The following PSD3 variants were observed in gnomAD, a reference collection of about 807,000 sequenced individuals.
PSD3 encodes the protein pleckstrin and Sec7 domain containing 3.
A neutral mutation model predicts 105.5 loss-of-function variants in PSD3; 49 were observed. The observed-to-expected ratio is 0.46, with a 90% CI of 0.37 to 0.59. The LOEUF (loss-of-function observed/expected upper bound fraction) is 0.59, where lower values mean the gene tolerates loss of function less well. PSD3 is among the 20% of genes least tolerant of loss of function. The probability of loss-of-function intolerance (pLI) is 0.00; values close to 1 mark genes in which losing one functional copy is unlikely to be tolerated. For synonymous variants in PSD3, 557 were observed against 457.8 expected, an observed-to-expected ratio of 1.22 and a Z score of -2.77; for missense variants, 1,561 against 1,263.8, an observed-to-expected ratio of 1.24 and a Z score of -3.57.
chr8:18,634,258 A>G (rs1807099856), intron 10 of PSD3, among the ~76,000 whole-genome samples: 1 of 152,086 alleles, frequency 6.6e-6, no homozygotes, highest in African/African-American at 2.4e-5. Context: ...AGAGAAAAAC[A>G]GCCTTTTTTT....
chr8:18,964,389 GC>G (rs1364346067), intron 1 of PSD3, among the ~76,000 whole-genome samples: 2 of 152,108 alleles, frequency 1.3e-5, no homozygotes, highest in Non-Finnish European at 2.9e-5. Flanking sequence ...CTCCCAAAGT[GC>G]TGGGATTACA....
intron 1 of PSD3, among the ~76,000 whole-genome samples, chr8:18,953,312 T>C (rs1563457678): frequency 1.5e-5 from 2 of 129,476 alleles, no homozygotes; most frequent in South Asian, 4.7e-4. Flanking sequence ...TATGTGTGTG[T>C]ATGTTGTGTG....
intron 4 of PSD3, among the ~76,000 whole-genome samples, chr8:18,819,574 G>GT (rs1189272400): frequency 9.1e-6 from 1 of 109,356 alleles, no homozygotes; most frequent in African/African-American, 3.5e-5. Flanking sequence ...AATTAGAATG[G>GT]ATTTTTTTTT....
intron 9 of PSD3, chr8:18,763,078 T>A: frequency 2.1e-6 from 1 of 476,728 alleles, no homozygotes. Context: ...CAAAATGACA[T>A]GGAACAACAG....
intron 11 of PSD3, among the ~76,000 whole-genome samples, chr8:18,630,284 AG>A (rs1391699157): frequency 2.0e-5 from 3 of 151,980 alleles, no homozygotes; most frequent in Non-Finnish European, 4.4e-5. Context: ...ATACAATGGC[AG>A]AAAAACTTCT....
chr8:18,702,678 T>G lies in PSD3; in HGVS notation c.2173-46993A>C, dbSNP rs987716242. ...CCCAGGCTGGAGTGCAGTGGTGTGA[T>G]CTCGGTTCCCTGCAAGCTCCGGCTC... On this transcript the variant is annotated intron_variant, in intron 9 of 15. Coordinates refer to ENST00000327040, the MANE Select transcript of PSD3 (RefSeq NM_015310.4). 3.3e-5 allele frequency among the ~76,000 whole-genome samples: 5 copies of G among 151,666 alleles called. No homozygotes were observed. The East Asian group carries it at 9.7e-4, about 30-fold the overall frequency.
At chr8:18,641,065 C>A (rs1807606671) in intron 10 of PSD3, among the ~76,000 whole-genome samples, 1 of 152,200 alleles carries the variant, frequency 6.6e-6, no homozygotes, top group Non-Finnish European at 1.5e-5. Context: ...CATTACACAG[C>A]AGAGGCTTGA....
intron 11 of PSD3, among the ~76,000 whole-genome samples, chr8:18,622,129 T>C (rs1806159276): frequency 6.6e-6 from 1 of 152,202 alleles, no homozygotes; most frequent in Admixed American, 6.5e-5. Context: ...GAACCACACA[T>C]AGTTCTCACC....
intron 2 of PSD3, among the ~76,000 whole-genome samples, chr8:18,922,997 T>C (rs1001585611): frequency 6.6e-6 from 1 of 152,166 alleles, no homozygotes; most frequent in African/African-American, 2.4e-5. Flanking sequence ...GTAAGCATGA[T>C]TCACTCAATC....
chr8:18,549,893 G>C (rs201380539), intron 15 of PSD3, among the ~76,000 whole-genome samples: 2 of 152,322 alleles, frequency 1.3e-5, no homozygotes, highest in East Asian at 1.9e-4. Flanking sequence ...AAAATACAGA[G>C]TTGGAAGGGA....
intron 14 of PSD3, among the ~76,000 whole-genome samples, chr8:18,571,202 T>C (rs1463801691): frequency 2.0e-5 from 3 of 152,080 alleles, no homozygotes; most frequent in Admixed American, 1.3e-4. Flanking sequence ...CACAGCAGCA[T>C]CCAAAATCCT....
chr8:18,762,398 G>A (rs995987653), intron 9 of PSD3, among the ~76,000 whole-genome samples: 1 of 152,148 alleles, frequency 6.6e-6, no homozygotes, highest in African/African-American at 2.4e-5. Flanking sequence ...ACAGCCCGCA[G>A]AACCATGATC....
At chr8:18,832,721 T>C (rs954238129) in intron 4 of PSD3, among the ~76,000 whole-genome samples, 1 of 152,220 alleles carries the variant, frequency 6.6e-6, no homozygotes, top group African/African-American at 2.4e-5. Context: ...TGGAGAGGCC[T>C]CATCGTCATG....
At position 18,532,573 on chromosome 8, in the gene PSD3, ATGG is replaced by A. The variant is rs1799677253; in HGVS notation, c.*3167_*3169del. ...TTCCATCAGAGGACTCTCTCCCATC[ATGG>A]TTTTGCTGAGATTAATTAAAATTCA... is the stretch of plus-strand genomic sequence containing the variant. On this transcript the variant is annotated 3_prime_UTR_variant, in exon 16 of 16. Transcript: ENST00000327040. 1 of 152,194 alleles carries A rather than the reference ATGG, an allele frequency of 6.6e-6. No individual in the cohort carries two copies. 9.4% of individuals were successfully genotyped at this position (152,194 alleles called of 1,614,324 possible). A position where few individuals can be genotyped will look rare whatever the true frequency, so the allele number is the denominator to read the frequency against.
At chr8:18,595,490 C>CAGAG (rs1259123532) in intron 12 of PSD3, among the ~76,000 whole-genome samples, 1 of 108,110 alleles carries the variant, frequency 9.2e-6, no homozygotes, top group Non-Finnish European at 2.0e-5. Context: ...GGGACAGATG[C>CAGAG]AGAGAGAGAG....
chr8:18,771,664 T>C (rs1415655896), intron 8 of PSD3, among the ~76,000 whole-genome samples: 2 of 152,244 alleles, frequency 1.3e-5, no homozygotes, highest in Non-Finnish European at 2.9e-5. Flanking sequence ...TGTATGGGAT[T>C]ATTTTTAGAC....
intron 9 of PSD3, among the ~76,000 whole-genome samples, chr8:18,759,760 C>T (rs1434500673): frequency 7.4e-6 from 1 of 134,808 alleles, no homozygotes. Flanking sequence ...GACCTTCCAC[C>T]CTTTATGTTC....
Position 18,677,947 on chromosome 8 carries a change from T to A in PSD3, c.2173-22262A>T, listed in dbSNP as rs193030983. Among the ~76,000 whole-genome samples, 249 of 151,322 alleles carry A rather than the reference T, an allele frequency of 1.6e-3. 1 individual carries two copies. The highest frequency in any genetic ancestry group is 2.9e-3 in the Non-Finnish European group (197 of 67,894). On this transcript the variant is annotated intron_variant, in intron 9 of 15. Transcript: ENST00000327040. ...GTGGTGTGAACCTGGGAGGCAGAGC[T>A]TGCAGTGAGCCGAGATCAGGCCACT...
chr8:18,769,416 TAAAA>T (rs1246517843), intron 8 of PSD3, among the ~76,000 whole-genome samples: 2 of 152,178 alleles, frequency 1.3e-5, no homozygotes, highest in African/African-American at 2.4e-5. Flanking sequence ...ATTTTTCTCT[TAAAA>T]AAGTGTGTTA....
Sources: allele counts gnomAD v4.1 joint callset (sites outside exome capture counted in the v4.1 genomes callset), GRCh38; gene constraint gnomAD v4.1.1; transcripts MANE v1.5; gene names NCBI Gene and HGNC (gene_info 2026-07-23, HGNC 2026-07-21).